The following DNAJC11 variants were observed in gnomAD, a reference collection of about 807,000 sequenced individuals.
The protein encoded by DNAJC11 is dnaJ homolog subfamily C member 11.
In DNAJC11, 15 loss-of-function variants were observed where a neutral mutation model predicts 78.6. The ratio of observed to expected loss-of-function variants is 0.19; its 90% CI spans 0.13 to 0.29. The LOEUF (loss-of-function observed/expected upper bound fraction) is 0.29. Ranked by LOEUF, DNAJC11 falls within the 10% of genes least tolerant of loss-of-function variation. The pLI is 1.00. For synonymous variants in DNAJC11, 292 were observed against 272.1 expected, an observed-to-expected ratio of 1.07 and a Z score of -0.72; for missense variants, 547 against 709.6, an observed-to-expected ratio of 0.77 and a Z score of 2.60.
At chr1:6,676,333 A>G (rs1642461844) in intron 3 of DNAJC11, among the ~76,000 whole-genome samples, 1 of 152,100 alleles carries the variant, frequency 6.6e-6, no homozygotes, top group African/African-American at 2.4e-5. Flanking sequence ...ATCATGCAGA[A>G]CCTCCCAGGG....
chr1:6,674,057 A>T (rs1642422947), intron 3 of DNAJC11, among the ~76,000 whole-genome samples: 1 of 152,230 alleles, frequency 6.6e-6, no homozygotes, highest in Non-Finnish European at 1.5e-5. Context: ...CATTACCAGA[A>T]TCAACCCTGT....
chr1:6,701,682 G>A, intron 1 of DNAJC11, 47 bp downstream of exon 1: 1 of 1,487,514 alleles, frequency 6.7e-7, no homozygotes, highest in Non-Finnish European at 8.9e-7. Context: ...CCTCCCGAAC[G>A]ACCGGGCTCG....
At chr1:6,693,745 G>A (rs968227124) in intron 1 of DNAJC11, among the ~76,000 whole-genome samples, 2 of 151,638 alleles carry the variant, frequency 1.3e-5, no homozygotes, top group African/African-American at 4.9e-5. Flanking sequence ...TCGCTCTGTC[G>A]CCCAGCCTAG....
intron 4 of DNAJC11, among the ~76,000 whole-genome samples, chr1:6,666,283 G>C (rs933597896): frequency 2.6e-5 from 4 of 152,000 alleles, no homozygotes; most frequent in African/African-American, 4.8e-5. Context: ...TTTAAATGCT[G>C]TATGGGTCTT....
intron 12 of DNAJC11, 109 bp from the exon 13 acceptor site, chr1:6,637,613 G>A: frequency 7.7e-7 from 1 of 1,292,556 alleles, no homozygotes. Context: ...CTTGCTCAGG[G>A]CCTGGAAAGG....
intron 1 of DNAJC11, among the ~76,000 whole-genome samples, chr1:6,695,010 G>T (rs1242962530): frequency 6.6e-6 from 1 of 150,640 alleles, no homozygotes; most frequent in East Asian, 1.9e-4. Context: ...GCTGGGCGTG[G>T]TGGCAGGTGC....
intron 1 of DNAJC11, among the ~76,000 whole-genome samples, chr1:6,701,256 G>A (rs1036147240): frequency 6.6e-6 from 1 of 152,152 alleles, no homozygotes; most frequent in Non-Finnish European, 1.5e-5. Flanking sequence ...AAAGACTCGG[G>A]AACCGGAAAA....
At chr1:6,648,218 C>T (rs556113788) in intron 7 of DNAJC11, among the ~76,000 whole-genome samples, 99 of 152,148 alleles carry the variant, frequency 6.5e-4, no homozygotes, top group Non-Finnish European at 1.2e-3. Context: ...TGCAGTGGCA[C>T]GATCTTGGCT....
chr1:6,701,235 G>A (rs189162115), intron 1 of DNAJC11, among the ~76,000 whole-genome samples: 5 of 152,330 alleles, frequency 3.3e-5, no homozygotes, highest in Admixed American at 2.6e-4. Context: ...CAGAGGCAGA[G>A]CGTCCCCACG....
intron 1 of DNAJC11, among the ~76,000 whole-genome samples, chr1:6,695,739 T>A (rs1570318724): frequency 7.4e-6 from 1 of 134,282 alleles, no homozygotes. Flanking sequence ...ACCTAGGAGG[T>A]GGAGGTTGCA....
rs185142843 is a variant in DNAJC11, at chr1:6,649,415, C to T, written c.704+2114G>A. 3.4e-4 allele frequency among the ~76,000 whole-genome samples: 52 copies of T among 152,124 alleles called. 1 individual carries two copies. Among genetic ancestry groups the T allele is most frequent in the African/African-American group, 1.2e-3 (48 of 41,498 alleles). On this transcript the variant is annotated intron_variant, in intron 7 of 15. Transcript: ENST00000377577. ...CGATCTCCTGATCTCGTGATCCACC[C>T]GCCTCGGCCTCCTAAAGTGCTGGGA...
In DNAJC11 at chr1:6,634,965, T is replaced by C; in HGVS notation, c.*710A>G. 2.1e-6 allele frequency: 2 copies of C among 956,230 alleles called. No homozygotes were observed. The highest frequency in any genetic ancestry group is 1.9e-5 in the South Asian group (1 of 52,660). The allele number at this position is 956,230 out of a possible 1,614,324, so 59.2% of individuals were successfully genotyped here. A position where few individuals can be genotyped will look rare whatever the true frequency, so the allele number is the denominator to read the frequency against. On this transcript the variant is annotated 3_prime_UTR_variant, in exon 16 of 16. Coordinates refer to ENST00000377577, the MANE Select transcript of DNAJC11 (RefSeq NM_018198.4). ...CTCAAGCCCGCTGGTGGCAGGGCGTTTTCCCACCGGGATACGGGAAGCCAC... is the reference window on the plus strand; with the variant it reads ...CTCAAGCCCGCTGGTGGCAGGGCGTCTTCCCACCGGGATACGGGAAGCCAC...
At chr1:6,643,072 T>G (rs200062700) in intron 10 of DNAJC11, among the ~76,000 whole-genome samples, 2 of 151,684 alleles carry the variant, frequency 1.3e-5, no homozygotes, top group African/African-American at 4.8e-5. Flanking sequence ...AGAGAGGCTG[T>G]AAGGGCAGGA....
At chr1:6,662,225 A>G (rs988347407) in intron 4 of DNAJC11, among the ~76,000 whole-genome samples, 2 of 147,332 alleles carry the variant, frequency 1.4e-5, no homozygotes, top group South Asian at 4.2e-4. Context: ...CGGAGTCTTG[A>G]GCTTGTTGCT....
rs781635133 is a variant in DNAJC11, at chr1:6,652,938, G to A, written c.521C>T (p.Ala174Val). The change falls in exon 6 of 16, where the codon GCG becomes GTG. Residue 174 changes from alanine (A) to valine (V), a missense_variant. Coordinates refer to ENST00000377577, the MANE Select transcript of DNAJC11 (RefSeq NM_018198.4). ...ISQSIEAPLTATDTAILSGSL... is the reference protein window; with the variant it reads ...ISQSIEAPLTVTDTAILSGSL... ...TCCAGAGAGGATGGCTGTGTCTGTC[G>A]CTGTCAAGGGTGCCTAAAAATGGTA... is the stretch of plus-strand genomic sequence containing the variant. 1.2e-5 allele frequency: 19 copies of A among 1,613,996 alleles called. No homozygotes were observed. Among genetic ancestry groups the A allele is most frequent in the South Asian group, 5.5e-5 (5 of 91,068 alleles).
chr1:6,638,476 G>T, intron 11 of DNAJC11, 112 bp from the exon 12 acceptor site: 3 of 937,180 alleles, frequency 3.2e-6, no homozygotes, highest in East Asian at 2.8e-5. Flanking sequence ...TGATCTTACT[G>T]GAGTTCAGTT....
In DNAJC11 at chr1:6,656,842, G is replaced by A. The variant is rs1232108499; in HGVS notation, c.379-2803C>T. On this transcript the variant is annotated intron_variant, in intron 4 of 15. Transcript: ENST00000377577. ...GAGGTGGGAGGATTCCTTGAGCCCA[G>A]GAGGCCAAGGCTGCAGTGAGCTGTG... 3.3e-5 allele frequency among the ~76,000 whole-genome samples: 5 copies of A among 152,070 alleles called. No homozygotes were observed. The South Asian group carries it at 6.2e-4, about 19-fold the overall frequency.
intron 1 of DNAJC11, among the ~76,000 whole-genome samples, chr1:6,681,786 C>T (rs982972370): frequency 6.6e-6 from 1 of 152,142 alleles, no homozygotes; most frequent in Non-Finnish European, 1.5e-5. Context: ...CTAGACAGGG[C>T]CCCTCAGAGG....
chr1:6,664,697 C>T (rs968203607), intron 4 of DNAJC11, among the ~76,000 whole-genome samples: 3 of 152,176 alleles, frequency 2.0e-5, no homozygotes, highest in African/African-American at 7.2e-5. Context: ...GATTATCTTT[C>T]CCTAATAAAT....
Sources: gnomAD v4.1 joint callset for allele counts (sites outside exome capture counted in the v4.1 genomes callset) on GRCh38, gnomAD v4.1.1 for gene constraint, MANE v1.5 for transcripts, NCBI Gene and HGNC (gene_info 2026-07-23, HGNC 2026-07-21) for gene names.